FHIT: variants seen among roughly 807,000 people sequenced by gnomAD.
FHIT encodes bis(5'-adenosyl)-triphosphatase.
Under a neutral mutation model 17.9 loss-of-function variants are expected in FHIT, and 19 were observed. That is an observed-to-expected ratio of 1.06 (90% confidence interval 0.74 to 1.56). The LOEUF (loss-of-function observed/expected upper bound fraction) is 1.56, where lower values mean the gene tolerates loss of function less well. Among genes scored for constraint, FHIT ranks in the 40% most tolerant of loss-of-function variants. FHIT has a pLI of 0.00. For synonymous variants in FHIT, 81 were observed against 69.7 expected (o/e 1.16, Z -0.81); for missense variants, 248 against 189.2 (o/e 1.31, Z -1.82).
At chr3:60,898,754 C>T (rs535186884) in intron 3 of FHIT, among the ~76,000 whole-genome samples, 2 of 152,156 alleles carry the variant, frequency 1.3e-5, no homozygotes, top group Non-Finnish European at 2.9e-5. Context: ...AACTTCCTAA[C>T]AGCCCTTCAC....
chr3:60,413,343 G>A (rs1702133317), intron 5 of FHIT, among the ~76,000 whole-genome samples: 1 of 152,076 alleles, frequency 6.6e-6, no homozygotes, highest in African/African-American at 2.4e-5. Flanking sequence ...GTAAGAGGGA[G>A]AGAGAGAGGG....
chr3:60,538,136 T>C (rs545309113), intron 4 of FHIT, among the ~76,000 whole-genome samples: 3 of 152,262 alleles, frequency 2.0e-5, no homozygotes, highest in Admixed American at 1.3e-4. Context: ...AGCACACTTA[T>C]ACACCAATAA....
chr3:60,546,676 C>A (rs1279188990), intron 4 of FHIT, among the ~76,000 whole-genome samples: 1 of 152,158 alleles, frequency 6.6e-6, no homozygotes, highest in Non-Finnish European at 1.5e-5. Flanking sequence ...CTTTAGTCCT[C>A]CCTTTTCCTC....
intron 8 of FHIT, among the ~76,000 whole-genome samples, chr3:59,853,638 T>C (rs1702030652): frequency 6.6e-6 from 1 of 152,216 alleles, no homozygotes; most frequent in Admixed American, 6.5e-5. Flanking sequence ...AGTTTCCAGA[T>C]TGAGAATAAT....
chr3:60,603,324 T>C (rs1432131482), intron 4 of FHIT, among the ~76,000 whole-genome samples: 1 of 152,200 alleles, frequency 6.6e-6, no homozygotes, highest in Non-Finnish European at 1.5e-5. Flanking sequence ...TTTCTTCTGT[T>C]AAATTCAGGT....
At chr3:61,008,523 C>A (rs2031591595) in intron 3 of FHIT, among the ~76,000 whole-genome samples, 1 of 151,940 alleles carries the variant, frequency 6.6e-6, no homozygotes, top group Non-Finnish European at 1.5e-5. Context: ...ACAAACAGCT[C>A]TTTGAAGCCT....
chr3:59,905,633 G>C (rs1050786451), intron 8 of FHIT, among the ~76,000 whole-genome samples: 1 of 152,112 alleles, frequency 6.6e-6, no homozygotes, highest in Non-Finnish European at 1.5e-5. Flanking sequence ...GGAGTCAATA[G>C]ACTCTATGAG....
chr3:60,955,610 A>ATATATATATATACATATATATATACATG (rs1709093172), intron 3 of FHIT, among the ~76,000 whole-genome samples: 1 of 13,118 alleles, frequency 7.6e-5, no homozygotes, highest in Non-Finnish European at 1.8e-4. Flanking sequence ...ATATATATAT[A>ATATATATATATACATATATATATACATG]TATATATATA....
intron 5 of FHIT, among the ~76,000 whole-genome samples, chr3:60,329,767 C>A (rs1307093776): frequency 2.0e-5 from 3 of 152,200 alleles, no homozygotes; most frequent in Non-Finnish European, 4.4e-5. Flanking sequence ...CTACATGTCA[C>A]CTCCTGTGAG....
intron 1 of FHIT, among the ~76,000 whole-genome samples, chr3:61,248,137 A>G (rs1243299020): frequency 1.3e-5 from 2 of 152,218 alleles, no homozygotes; most frequent in African/African-American, 4.8e-5. Flanking sequence ...AACCTCCTAC[A>G]TCTTATATTT....
chr3:59,860,099 C>G (rs1186100693), intron 8 of FHIT, among the ~76,000 whole-genome samples: 1 of 151,972 alleles, frequency 6.6e-6, no homozygotes, highest in Non-Finnish European at 1.5e-5. Context: ...TTCTTGCTAC[C>G]CTTCTGTCGG....
chr3:61,216,330 G>A (rs1416813025), intron 1 of FHIT, among the ~76,000 whole-genome samples: 16 of 152,162 alleles, frequency 1.1e-4, no homozygotes, highest in South Asian at 6.2e-4. Flanking sequence ...ACAAGTGGGC[G>A]AAGGACATGA....
intron 5 of FHIT, among the ~76,000 whole-genome samples, chr3:60,479,759 C>CA (rs1321190177): frequency 6.6e-6 from 1 of 152,166 alleles, no homozygotes; most frequent in Non-Finnish European, 1.5e-5. Context: ...GTGAATTGCA[C>CA]ATGCGAGGGA....
intron 5 of FHIT, among the ~76,000 whole-genome samples, chr3:60,198,385 T>A (rs189720383): frequency 2.0e-5 from 3 of 152,336 alleles, no homozygotes; most frequent in Admixed American, 2.0e-4. Context: ...TCACTTGGAA[T>A]GTGATTACAG....
chr3:60,685,552 A>T (rs1654497079), intron 4 of FHIT, among the ~76,000 whole-genome samples: 1 of 152,120 alleles, frequency 6.6e-6, no homozygotes, highest in Non-Finnish European at 1.5e-5. Flanking sequence ...AAATGGTGAC[A>T]TCTCCACCCC....
At chr3:60,435,321 C>T (rs1429283523) in intron 5 of FHIT, among the ~76,000 whole-genome samples, 1 of 152,074 alleles carries the variant, frequency 6.6e-6, no homozygotes, top group African/African-American at 2.4e-5. Flanking sequence ...TGTTATTGGA[C>T]TTGATTTGTA....
chr3:60,254,342 C>T (rs76370382), intron 5 of FHIT, among the ~76,000 whole-genome samples: 2,697 of 152,146 alleles, frequency 0.018, 36 homozygotes, highest in Non-Finnish European at 0.025. Context: ...CATATTTTAT[C>T]TAATAAGAAA....
chr3:60,362,846 A>T (rs996713885), intron 5 of FHIT, among the ~76,000 whole-genome samples: 4 of 152,212 alleles, frequency 2.6e-5, no homozygotes, highest in African/African-American at 9.6e-5. Flanking sequence ...AACGGCAGAC[A>T]AATCCCAAAC....
intron 2 of FHIT, among the ~76,000 whole-genome samples, chr3:61,190,407 C>T (rs1230870864): frequency 5.3e-5 from 8 of 152,018 alleles, no homozygotes; most frequent in South Asian, 2.1e-4. Context: ...GGTAGCATGG[C>T]GATCATTAAA....
Sources: gnomAD v4.1 joint callset for allele counts (sites outside exome capture counted in the v4.1 genomes callset) on GRCh38, gnomAD v4.1.1 for gene constraint, MANE v1.5 for transcripts, NCBI Gene and HGNC (gene_info 2026-07-23, HGNC 2026-07-21) for gene names.